Variants in USP7 observed in about 807,000 individuals in gnomAD.
USP7 encodes the protein ubiquitin C-terminal hydrolase 7.
A neutral mutation model predicts 162.9 loss-of-function variants in USP7; 9 were observed. The observed-to-expected ratio is 0.06, with a 90% CI of 0.03 to 0.10. The LOEUF (loss-of-function observed/expected upper bound fraction) is 0.10. Among genes scored for constraint, USP7 ranks in the 10% least tolerant of loss-of-function variants. The probability of loss-of-function intolerance (pLI) is 1.00; values close to 1 mark genes in which losing one functional copy is unlikely to be tolerated. For missense variants in USP7, 715 were observed against 1,373.7 expected (o/e 0.52, Z 7.58); for synonymous variants, 562 against 475.9 (o/e 1.18, Z -2.35).
chr16:8,902,246 A>C (rs1008613626), intron 17 of USP7, 59 bp from the exon 18 acceptor site: 29 of 1,592,362 alleles, frequency 1.8e-5, no homozygotes, highest in Admixed American at 1.7e-4. Context: ...GACAGAGCGA[A>C]AAACTACAGT....
Position 8,893,196 on chromosome 16 carries a change from GCTTT to G in USP7, c.*798_*801del, listed in dbSNP as rs1194559577. 1 of 152,062 alleles carries G rather than the reference GCTTT, an allele frequency of 6.6e-6. No homozygotes were observed. Among genetic ancestry groups the G allele is most frequent in the Non-Finnish European group, 1.5e-5 (1 of 68,028 alleles). 9.4% of individuals were successfully genotyped at this position (152,062 alleles called of 1,614,324 possible). On this transcript the variant is annotated 3_prime_UTR_variant, in exon 31 of 31. Transcript: ENST00000344836. ...AGTGAGCATGCCCTCTTGCTAAAAG[GCTTT>G]CTTGTCGTCTGTTCCACTTTAACGA...
In USP7 at chr16:8,898,308, CAAT is replaced by C. The variant is rs555797682; in HGVS notation, c.2718+49_2718+51del. 196 of 1,419,628 alleles carry C rather than the reference CAAT, an allele frequency of 1.4e-4. No homozygotes were observed. The African/African-American group carries it at 2.3e-3, about 17-fold the overall frequency. The allele number at this position is 1,419,628 out of a possible 1,614,324, so 87.9% of individuals were successfully genotyped here. ...TTCAATGTCTGGGGACAGGTAGAAA[CAAT>C]AAGCAAGTTCCAATAAAAATTAAAA... is the stretch of plus-strand genomic sequence containing the variant. On this transcript the variant is annotated intron_variant, in intron 25 of 30. Coordinates refer to ENST00000344836, the MANE Select transcript of USP7 (RefSeq NM_003470.3).
In USP7 at chr16:8,921,818, G is replaced by A. The variant is rs546392954; in HGVS notation, c.384-523C>T. On this transcript the variant is annotated intron_variant, in intron 3 of 30. Coordinates refer to ENST00000344836, the MANE Select transcript of USP7 (RefSeq NM_003470.3). ...CTACTGTACCTGCAGTGAAGTGTGGGGTGGACCACAAAAGGGCCTCTAGAT... is the reference window on the plus strand; with the variant it reads ...CTACTGTACCTGCAGTGAAGTGTGGAGTGGACCACAAAAGGGCCTCTAGAT... 9.2e-5 allele frequency among the ~76,000 whole-genome samples: 14 copies of A among 152,218 alleles called. 1 individual carries two copies. In the South Asian group the frequency reaches 2.5e-3, roughly 27 times the overall value.
rs1213017149 is a variant in USP7, at chr16:8,893,666, G to A, written c.*332C>T. ...CCAGGAAGGCAGCCGAGCCACTCGTGCCCACTAGGGACAGCCCAGAGACCT... is the reference window on the plus strand; with the variant it reads ...CCAGGAAGGCAGCCGAGCCACTCGTACCCACTAGGGACAGCCCAGAGACCT... On this transcript the variant is annotated 3_prime_UTR_variant, in exon 31 of 31. Coordinates refer to ENST00000344836, the MANE Select transcript of USP7 (RefSeq NM_003470.3). The A allele has an allele frequency of 3.9e-6, 1 of 254,522 alleles. No homozygotes were observed. Among genetic ancestry groups the A allele is most frequent in the Non-Finnish European group, 7.8e-6 (1 of 127,792 alleles). 15.8% of individuals were successfully genotyped at this position (254,522 alleles called of 1,614,324 possible). A position where few individuals can be genotyped will look rare whatever the true frequency, so the allele number is the denominator to read the frequency against.
intron 1 of USP7, among the ~76,000 whole-genome samples, chr16:8,959,395 A>T (rs1345603376): frequency 6.6e-6 from 1 of 151,946 alleles, no homozygotes; most frequent in African/African-American, 2.4e-5. Context: ...TATATTTACT[A>T]GTATCGATCA....
rs571716010 is a variant in USP7 at position 8,921,591 on chromosome 16, CTG to C, written c.384-298_384-297del. On this transcript the variant is annotated intron_variant, in intron 3 of 30. Transcript: ENST00000344836. ...TATACAATTTTGACCTCTGCTTCTA[CTG>C]CCGATATAGGGGTCACCTCTCAGCG... is the stretch of plus-strand genomic sequence containing the variant. Among the ~76,000 whole-genome samples, 29 of 152,320 alleles carry C rather than the reference CTG, an allele frequency of 1.9e-4. No individual in the cohort carries two copies. The South Asian group carries it at 6.0e-3, about 32-fold the overall frequency.
intron 2 of USP7, among the ~76,000 whole-genome samples, chr16:8,928,496 C>G (rs1003581687): frequency 6.6e-6 from 1 of 152,226 alleles, no homozygotes; most frequent in Non-Finnish European, 1.5e-5. Flanking sequence ...TTCCTAGAAT[C>G]CTGTGCATTT....
chr16:8,948,333 C>G (rs1458801461), intron 1 of USP7, among the ~76,000 whole-genome samples: 1 of 152,168 alleles, frequency 6.6e-6, no homozygotes, highest in East Asian at 1.9e-4. Context: ...CAAGCACACG[C>G]CATCATGGCT....
intron 4 of USP7, 120 bp from the exon 5 acceptor site, chr16:8,920,567 T>C: frequency 1.2e-6 from 1 of 813,452 alleles, no homozygotes; most frequent in East Asian, 2.8e-5. Context: ...TTTAAATACA[T>C]CCCAACTTTT....
intron 2 of USP7, among the ~76,000 whole-genome samples, chr16:8,928,883 T>C (rs148644082): frequency 0.012 from 1,784 of 152,166 alleles, 19 homozygotes; most frequent in Non-Finnish European, 0.017. Flanking sequence ...AGGAGACACC[T>C]GGCAATGTCT....
At chr16:8,958,045 C>A (rs1367162270) in intron 1 of USP7, among the ~76,000 whole-genome samples, 1 of 152,192 alleles carries the variant, frequency 6.6e-6, no homozygotes, top group East Asian at 1.9e-4. Context: ...TGTTTATTCT[C>A]AGAGTACACT....
In USP7 at chr16:8,895,663, C is replaced by T. The variant is rs376266614; in HGVS notation, c.2898G>A (p.Thr966=). 9.9e-6 allele frequency: 16 copies of T among 1,612,952 alleles called. No individual in the cohort carries two copies. Among genetic ancestry groups the T allele is most frequent in the South Asian group, 3.3e-5 (3 of 90,658 alleles). Residue 966 remains threonine (T), a synonymous_variant, in exon 27 of 31, where the codon ACG becomes ACA. Transcript: ENST00000344836. ...DELLECLSPA[T]SRTFRIEEIP... is the part of the protein sequence containing the mutation. The stretch of plus-strand genomic sequence containing the variant: ...ATACCTCTATTCGAAACGTCCGGCT[C>T]GTTGCAGGAGATAAACATTCTAATA...
chr16:8,901,893 G>T, intron 18 of USP7, 189 bp downstream of exon 18: 2 of 598,890 alleles, frequency 3.3e-6, no homozygotes, highest in East Asian at 5.6e-5. Context: ...ACTGTCTCCG[G>T]GCCTCACAGG....
intron 30 of USP7, 110 bp downstream of exon 30, chr16:8,894,440 T>C (rs1448020547): frequency 1.0e-5 from 11 of 1,079,532 alleles, no homozygotes; most frequent in South Asian, 7.2e-5. Flanking sequence ...GGTCGGCCAG[T>C]GGAGAGAGAG....
intron 1 of USP7, chr16:8,936,524 G>T: frequency 1.4e-6 from 2 of 1,462,388 alleles, no homozygotes; most frequent in South Asian, 1.4e-5. Context: ...AGACATGTCA[G>T]TATTGGTTAT....
chr16:8,895,100 G>A lies in USP7; in HGVS notation c.2970C>T (p.Val990=). Reference sequence around the variant, plus strand: ...CCTCTTTGTGGAAATGCGCCACTGTGACAAGCATCTCATTCTCTTTGTCTA... The same window carrying A: ...CCTCTTTGTGGAAATGCGCCACTGTAACAAGCATCTCATTCTCTTTGTCTA... The part of the protein sequence containing the change: ...VDIDKENEML[V]TVAHFHKEVF... Residue 990 remains valine (V), a synonymous_variant, in exon 28 of 31, where the codon GTC becomes GTT. Transcript: ENST00000344836. The A allele has an allele frequency of 2.5e-6, 4 of 1,614,222 alleles. No individual in the cohort carries two copies. The highest frequency in any genetic ancestry group is 3.4e-6 in the Non-Finnish European group (4 of 1,180,042).
chr16:8,916,976 A>AAT, intron 7 of USP7, 50 bp downstream of exon 7: 3 of 1,498,832 alleles, frequency 2.0e-6, no homozygotes, highest in Non-Finnish European at 2.6e-6. Context: ...TCCTAAAAAA[A>AAT]AAAAAAAAAA....
At chr16:8,911,691 G>A (rs1464660465) in intron 10 of USP7, among the ~76,000 whole-genome samples, 3 of 152,146 alleles carry the variant, frequency 2.0e-5, no homozygotes, top group Non-Finnish European at 4.4e-5. Context: ...GAGAATGAGA[G>A]GAGCTCAAGG....
At chr16:8,930,864 C>T (rs1162264570) in intron 1 of USP7, among the ~76,000 whole-genome samples, 1 of 151,794 alleles carries the variant, frequency 6.6e-6, no homozygotes, top group Non-Finnish European at 1.5e-5. Flanking sequence ...AACTATTTGG[C>T]AGGCTGAGGA....
Sources: allele counts gnomAD v4.1 joint callset (sites outside exome capture counted in the v4.1 genomes callset), GRCh38; gene constraint gnomAD v4.1.1; transcripts MANE v1.5; gene names NCBI Gene and HGNC (gene_info 2026-07-23, HGNC 2026-07-21).